MBD5: variants seen among roughly 807,000 people sequenced by gnomAD.
MBD5 encodes methyl-CpG binding domain protein 5.
MBD5 carries 13 observed loss-of-function variants against 117.3 expected under a neutral mutation model. That is an observed-to-expected ratio of 0.11 (90% CI 0.07 to 0.18). The LOEUF (loss-of-function observed/expected upper bound fraction) is 0.18, where lower values mean the gene tolerates loss of function less well. Among genes scored for constraint, MBD5 ranks in the 10% least tolerant of loss-of-function variants. The pLI is 1.00. For missense variants in MBD5, 1,879 were observed against 2,093.8 expected, an observed-to-expected ratio of 0.90 and a Z score of 2.00; for synonymous variants, 727 against 766.4, an observed-to-expected ratio of 0.95 and a Z score of 0.85.
At chr2:148,133,979 T>G (rs1392935173) in intron 1 of MBD5, among the ~76,000 whole-genome samples, 1 of 152,180 alleles carries the variant, frequency 6.6e-6, no homozygotes, top group Non-Finnish European at 1.5e-5. Flanking sequence ...ATCATGAAAA[T>G]TTATTTGCCA....
chr2:148,352,243 TGC>T (rs1703266372), intron 4 of MBD5, among the ~76,000 whole-genome samples: 1 of 152,062 alleles, frequency 6.6e-6, no homozygotes, highest in Non-Finnish European at 1.5e-5. Context: ...CCCACCTCCT[TGC>T]CACCAATGGA....
At chr2:148,347,934 T>C (rs919079201) in intron 4 of MBD5, among the ~76,000 whole-genome samples, 5 of 151,910 alleles carry the variant, frequency 3.3e-5, no homozygotes, top group African/African-American at 1.2e-4. Flanking sequence ...TACTCATCCC[T>C]CAGGTTTCAA....
chr2:148,399,261 G>A (rs1423108556), intron 4 of MBD5, among the ~76,000 whole-genome samples: 6 of 152,112 alleles, frequency 3.9e-5, no homozygotes, highest in African/African-American at 1.2e-4. Flanking sequence ...CCATTTTCAC[G>A]ATATTTATTC....
intron 4 of MBD5, among the ~76,000 whole-genome samples, chr2:148,456,091 A>T (rs1574443704): frequency 6.6e-6 from 1 of 152,156 alleles, no homozygotes; most frequent in African/African-American, 2.4e-5. Flanking sequence ...TGAATAGCTC[A>T]TTAGTGCCAA....
At position 148,468,567 on chromosome 2, in the gene MBD5, T is replaced by C; in HGVS notation, c.624T>C (p.His208=). The change falls in exon 8 of 14, where the codon CAT becomes CAC. Residue 208 remains histidine (H), a synonymous_variant. Coordinates refer to ENST00000642680, the MANE Select transcript of MBD5 (RefSeq NM_001378120.1). ...YPRQRLGSSE[H]GQKSPFRGSH... Reference sequence around the variant, plus strand: ...GACAGAGATTGGGCAGCAGTGAACATGGACAGAAATCTCCATTCCGTGGCA... The same window carrying C: ...GACAGAGATTGGGCAGCAGTGAACACGGACAGAAATCTCCATTCCGTGGCA... 6.2e-7 allele frequency: 1 copy of C among 1,613,902 alleles called. No individual in the cohort carries two copies.
rs1037121518 is a variant in MBD5 at position 148,512,745 on chromosome 2, G to A, written c.5113-125G>A. On this transcript the variant is annotated intron_variant, in intron 13 of 13. Coordinates refer to ENST00000642680, the MANE Select transcript of MBD5 (RefSeq NM_001378120.1). Reference sequence around the variant, plus strand: ...TTGGTAAACATTTGAAGTGCCTCAGGATATCAGTAATTGAAAGTGAAAGCC... The same window carrying A: ...TTGGTAAACATTTGAAGTGCCTCAGAATATCAGTAATTGAAAGTGAAAGCC... 10 of 839,572 alleles carry A rather than the reference G, an allele frequency of 1.2e-5. No individual in the cohort carries two copies. In the African/African-American group the frequency reaches 1.7e-4, roughly 14 times the overall value. 52.0% of individuals were successfully genotyped at this position (839,572 alleles called of 1,614,324 possible). A position where few individuals can be genotyped will look rare whatever the true frequency, so the allele number is the denominator to read the frequency against.
chr2:148,295,179 T>C (rs773630673), intron 3 of MBD5, among the ~76,000 whole-genome samples: 6 of 152,202 alleles, frequency 3.9e-5, no homozygotes, highest in Non-Finnish European at 8.8e-5. Context: ...CTTATGCATA[T>C]GCTGCTGTGT....
chr2:148,129,952 A>C (rs1696995019), intron 1 of MBD5, among the ~76,000 whole-genome samples: 1 of 152,212 alleles, frequency 6.6e-6, no homozygotes, highest in Non-Finnish European at 1.5e-5. Flanking sequence ...AACATCATCA[A>C]AATGTTTGAA....
intron 4 of MBD5, among the ~76,000 whole-genome samples, chr2:148,436,741 G>T (rs1706167486): frequency 6.6e-6 from 1 of 152,028 alleles, no homozygotes; most frequent in Non-Finnish European, 1.5e-5. Context: ...TTCACAGGAG[G>T]TTCTTCAAGG....
At chr2:148,266,061 A>T (rs1292438688) in intron 3 of MBD5, among the ~76,000 whole-genome samples, 4 of 152,208 alleles carry the variant, frequency 2.6e-5, no homozygotes, top group Admixed American at 2.6e-4. Context: ...TTTGATTTTA[A>T]TATCTAAATC....
chr2:148,457,722 T>G (rs924938285), intron 4 of MBD5, among the ~76,000 whole-genome samples: 1 of 152,128 alleles, frequency 6.6e-6, no homozygotes, highest in African/African-American at 2.4e-5. Context: ...TCCTTCTAAC[T>G]TTTTATTTTA....
At chr2:148,206,285 C>T (rs901949214) in intron 2 of MBD5, among the ~76,000 whole-genome samples, 1 of 152,042 alleles carries the variant, frequency 6.6e-6, no homozygotes, top group Non-Finnish European at 1.5e-5. Flanking sequence ...TAACATTTTA[C>T]TAAGGGGAAT....
At chr2:148,497,493 G>C (rs1681737714) in intron 11 of MBD5, among the ~76,000 whole-genome samples, 2 of 152,022 alleles carry the variant, frequency 1.3e-5, no homozygotes, top group South Asian at 2.1e-4. Flanking sequence ...TTCAAGACTA[G>C]CATGGGCAAC....
At chr2:148,497,115 G>A (rs1681725896) in intron 11 of MBD5, among the ~76,000 whole-genome samples, 2 of 151,600 alleles carry the variant, frequency 1.3e-5, no homozygotes, top group South Asian at 2.1e-4. Context: ...CCTAATAAAT[G>A]CCTCATATTT....
At chr2:148,151,668 G>C (rs1005195110) in intron 1 of MBD5, among the ~76,000 whole-genome samples, 3 of 152,076 alleles carry the variant, frequency 2.0e-5, no homozygotes, top group East Asian at 1.9e-4. Context: ...GTTTAGTCTT[G>C]GGAGAGTGTA....
intron 3 of MBD5, among the ~76,000 whole-genome samples, chr2:148,337,568 G>A (rs1702829738): frequency 6.6e-6 from 1 of 152,134 alleles, no homozygotes; most frequent in African/African-American, 2.4e-5. Context: ...AAGTGGTAAT[G>A]GGGGTTGCCT....
intron 3 of MBD5, among the ~76,000 whole-genome samples, chr2:148,323,356 T>C (rs1482079346): frequency 3.9e-5 from 6 of 151,962 alleles, no homozygotes; most frequent in African/African-American, 1.2e-4. Flanking sequence ...TTTGGGTATA[T>C]ACCCAGTAAT....
chr2:148,455,549 A>G (rs1173965358), intron 4 of MBD5, among the ~76,000 whole-genome samples: 1 of 152,110 alleles, frequency 6.6e-6, no homozygotes, highest in African/African-American at 2.4e-5. Context: ...TGTTACTGGT[A>G]ATAGTGATGT....
chr2:148,073,596 C>T (rs1482617339), intron 1 of MBD5, among the ~76,000 whole-genome samples: 2 of 152,064 alleles, frequency 1.3e-5, no homozygotes, highest in Non-Finnish European at 2.9e-5. Flanking sequence ...TACATACATA[C>T]AAGTAAAAGT....
Sources: gnomAD v4.1 joint callset for allele counts (sites outside exome capture counted in the v4.1 genomes callset) on GRCh38, gnomAD v4.1.1 for gene constraint, MANE v1.5 for transcripts, NCBI Gene and HGNC (gene_info 2026-07-23, HGNC 2026-07-21) for gene names.